Variants in MAML2 observed in about 807,000 individuals in gnomAD.
MAML2 encodes the protein mastermind-like protein 2.
In MAML2, 22 loss-of-function variants were observed where a neutral mutation model predicts 96.1. The observed-to-expected ratio is 0.23, with a 90% confidence interval of 0.16 to 0.33. The LOEUF is 0.33. Among genes scored for constraint, MAML2 ranks in the 10% least tolerant of loss-of-function variants. The pLI is 1.00. For missense variants in MAML2, 1,367 were observed against 1,392.4 expected (o/e 0.98, Z 0.29); for synonymous variants, 561 against 521.3 (o/e 1.08, Z -1.04).
At chr11:96,041,868 G>A (rs1001645193) in intron 2 of MAML2, among the ~76,000 whole-genome samples, 1 of 152,066 alleles carries the variant, frequency 6.6e-6, no homozygotes, top group Non-Finnish European at 1.5e-5. Context: ...GGAGTGCAAT[G>A]GCGCATCTCG....
intron 1 of MAML2, among the ~76,000 whole-genome samples, chr11:96,155,910 A>G (rs1371262997): frequency 6.6e-6 from 1 of 152,120 alleles, no homozygotes; most frequent in Non-Finnish European, 1.5e-5. Flanking sequence ...CAAGTATTAC[A>G]AGAGGAAACA....
chr11:95,997,485 G>A (rs1429242492), intron 2 of MAML2, among the ~76,000 whole-genome samples: 1 of 152,120 alleles, frequency 6.6e-6, no homozygotes, highest in Non-Finnish European at 1.5e-5. Context: ...CAATCAACCT[G>A]TCTTTAGAAT....
chr11:96,276,696 A>G (rs1056459537), intron 1 of MAML2, among the ~76,000 whole-genome samples: 1 of 152,032 alleles, frequency 6.6e-6, no homozygotes, highest in African/African-American at 2.4e-5. Context: ...TTAAAACACC[A>G]ATCAGGTCGA....
intron 2 of MAML2, among the ~76,000 whole-genome samples, chr11:96,051,185 C>T (rs1305363087): frequency 4.6e-5 from 7 of 152,122 alleles, no homozygotes; most frequent in East Asian, 1.9e-4. Context: ...ACCATCCATC[C>T]GTCCAATATT....
chr11:96,274,918 C>CA lies in MAML2; in HGVS notation c.513+66464dup, dbSNP rs570906661. 3.0e-3 allele frequency among the ~76,000 whole-genome samples: 450 copies of CA among 152,086 alleles called. 3 individuals are homozygous for CA. The highest frequency in any genetic ancestry group is 0.011 in the African/African-American group (436 of 41,500). ...TCATGAATCTCAATGTATATATGTG[C>CA]ATATTAGATATGTATAATTTCACAT... On this transcript the variant is annotated intron_variant, in intron 1 of 4. Transcript: ENST00000524717.
intron 1 of MAML2, among the ~76,000 whole-genome samples, chr11:96,268,377 C>T (rs751137411): frequency 3.9e-5 from 6 of 152,102 alleles, no homozygotes; most frequent in Admixed American, 1.3e-4. Context: ...GTCCTAGCTA[C>T]TCCAGAGGCT....
intron 1 of MAML2, among the ~76,000 whole-genome samples, chr11:96,309,146 GT>G (rs1222532547): frequency 1.3e-5 from 2 of 152,138 alleles, no homozygotes; most frequent in Admixed American, 1.3e-4. Context: ...ATGTTTTTGG[GT>G]TTTTGGAGAG....
At chr11:96,243,692 C>T (rs1862470812) in intron 1 of MAML2, among the ~76,000 whole-genome samples, 1 of 137,006 alleles carries the variant, frequency 7.3e-6, no homozygotes, top group Non-Finnish European at 1.5e-5. Context: ...CTCGCTTTGT[C>T]GCCCAGGCTG....
chr11:96,153,553 A>G (rs1386089787), intron 1 of MAML2, among the ~76,000 whole-genome samples: 1 of 152,204 alleles, frequency 6.6e-6, no homozygotes, highest in Non-Finnish European at 1.5e-5. Flanking sequence ...ACATTCTCTC[A>G]AATTTTTTAC....
At chr11:96,230,185 C>A (rs972915616) in intron 1 of MAML2, among the ~76,000 whole-genome samples, 3 of 151,984 alleles carry the variant, frequency 2.0e-5, no homozygotes, top group African/African-American at 4.8e-5. Flanking sequence ...TATGGATAGA[C>A]CTGGCTAGTC....
At chr11:96,141,058 C>T (rs1860722716) in intron 1 of MAML2, among the ~76,000 whole-genome samples, 1 of 152,056 alleles carries the variant, frequency 6.6e-6, no homozygotes, top group Admixed American at 6.5e-5. Context: ...CTGTCTTTAC[C>T]ATACTGTTGA....
At chr11:96,167,487 C>G (rs911248130) in intron 1 of MAML2, among the ~76,000 whole-genome samples, 2 of 152,186 alleles carry the variant, frequency 1.3e-5, no homozygotes, top group Admixed American at 1.3e-4. Context: ...AATCTAAATT[C>G]TTTCGCACAG....
At chr11:96,301,191 C>A (rs1489674949) in intron 1 of MAML2, among the ~76,000 whole-genome samples, 1 of 152,094 alleles carries the variant, frequency 6.6e-6, no homozygotes, top group Non-Finnish European at 1.5e-5. Context: ...ACACATACAC[C>A]CACATACACA....
chr11:96,211,637 A>G (rs1861973422), intron 1 of MAML2, among the ~76,000 whole-genome samples: 1 of 152,120 alleles, frequency 6.6e-6, no homozygotes, highest in Admixed American at 6.5e-5. Context: ...CACACATCTG[A>G]TGTCAGGCAA....
chr11:96,109,020 C>CAAAAA (rs10694455), intron 1 of MAML2, among the ~76,000 whole-genome samples: 3 of 144,776 alleles, frequency 2.1e-5, no homozygotes, highest in Non-Finnish European at 3.0e-5. Context: ...TTGAGTGTTT[C>CAAAAA]AAAAAAAAAA....
intron 2 of MAML2, among the ~76,000 whole-genome samples, chr11:96,007,796 T>G (rs1858207401): frequency 6.7e-6 from 1 of 148,344 alleles, no homozygotes; most frequent in Admixed American, 6.9e-5. Context: ...AAACACCGCA[T>G]ATTCTCACTC....
At chr11:96,029,140 G>A (rs1319404793) in intron 2 of MAML2, among the ~76,000 whole-genome samples, 3 of 149,038 alleles carry the variant, frequency 2.0e-5, no homozygotes, top group African/African-American at 7.4e-5. Flanking sequence ...TGCAACATCT[G>A]CTAGGGAAGT....
At chr11:96,310,273 G>A in intron 1 of MAML2, among the ~76,000 whole-genome samples, 1 of 151,984 alleles carries the variant, frequency 6.6e-6, no homozygotes, top group East Asian at 1.9e-4. Context: ...ATCAGTATAT[G>A]GAAAGTCAGA....
chr11:96,002,680 G>GACA (rs1858101893), intron 2 of MAML2, among the ~76,000 whole-genome samples: 1 of 96,544 alleles, frequency 1.0e-5, no homozygotes, highest in South Asian at 4.3e-4. Flanking sequence ...GAATAATGAT[G>GACA]GGGATGGTGG....
Sources: gnomAD v4.1 joint callset for allele counts (sites outside exome capture counted in the v4.1 genomes callset) on GRCh38, gnomAD v4.1.1 for gene constraint, MANE v1.5 for transcripts, NCBI Gene and HGNC (gene_info 2026-07-23, HGNC 2026-07-21) for gene names.